The following CACNB2 variants were observed in gnomAD, a reference collection of about 807,000 sequenced individuals.
CACNB2 encodes the protein voltage-dependent L-type calcium channel subunit beta-2.
CACNB2 carries 42 observed loss-of-function variants against 73.3 expected under a neutral mutation model. The ratio of observed to expected loss-of-function variants is 0.57; its 90% CI spans 0.45 to 0.74. The LOEUF (loss-of-function observed/expected upper bound fraction) is 0.74. CACNB2 is among the 30% of genes least tolerant of loss of function. The probability of loss-of-function intolerance (pLI) is 0.00; values close to 1 mark genes in which losing one functional copy is unlikely to be tolerated. For synonymous variants in CACNB2, 348 were observed against 310.3 expected (o/e 1.12, Z -1.28); for missense variants, 940 against 853.0 (o/e 1.10, Z -1.27).
At chr10:18,234,672 C>A (rs1443996900) in intron 2 of CACNB2, among the ~76,000 whole-genome samples, 1 of 151,974 alleles carries the variant, frequency 6.6e-6, no homozygotes, top group East Asian at 1.9e-4. Context: ...AAGACAAATA[C>A]GTAGAAATAG....
At chr10:18,341,241 C>A (rs2041222828) in intron 2 of CACNB2, among the ~76,000 whole-genome samples, 1 of 152,090 alleles carries the variant, frequency 6.6e-6, no homozygotes, top group East Asian at 1.9e-4. Flanking sequence ...CCGGTGCAGA[C>A]AAATTTAGTG....
intron 2 of CACNB2, among the ~76,000 whole-genome samples, chr10:18,356,950 T>C (rs866163792): frequency 2.4e-5 from 3 of 124,658 alleles, no homozygotes; most frequent in Admixed American, 8.4e-5. Context: ...TTCTTTTTTT[T>C]TTTTTTTTTT....
chr10:18,499,328 G>T (rs775343920), intron 4 of CACNB2, among the ~76,000 whole-genome samples: 4 of 152,154 alleles, frequency 2.6e-5, no homozygotes, highest in Admixed American at 2.6e-4. Context: ...CCGATTAAAA[G>T]AACCTAGGGC....
intron 3 of CACNB2, among the ~76,000 whole-genome samples, chr10:18,435,756 T>A (rs1248183612): frequency 6.6e-6 from 1 of 152,074 alleles, no homozygotes; most frequent in African/African-American, 2.4e-5. Flanking sequence ...CGCCTTGGCC[T>A]CCCAAAGTGC....
At chr10:18,481,205 T>C (rs1490616494) in intron 3 of CACNB2, among the ~76,000 whole-genome samples, 1 of 11,832 alleles carries the variant, frequency 8.5e-5, no homozygotes, top group Non-Finnish European at 1.9e-4. Context: ...TATATATATA[T>C]ATATATATAT....
chr10:18,414,387 G>T lies in CACNB2; in HGVS notation c.333+12344G>T, dbSNP rs887569502. 2.0e-5 allele frequency among the ~76,000 whole-genome samples: 3 copies of T among 151,984 alleles called. 1 individual carries two copies. The highest frequency in any genetic ancestry group is 2.0e-4 in the Admixed American group (3 of 15,268). On this transcript the variant is annotated intron_variant, in intron 3 of 13. Coordinates refer to ENST00000324631, the MANE Select transcript of CACNB2 (RefSeq NM_201596.3). The stretch of plus-strand genomic sequence containing the variant: ...TTTATTTATGGTTATATTTATCTTG[G>T]CAATCGACCTGTTAAGCTAGTTTTA...
intron 2 of CACNB2, among the ~76,000 whole-genome samples, chr10:18,326,017 T>A (rs1341109050): frequency 6.6e-6 from 1 of 152,178 alleles, no homozygotes; most frequent in African/African-American, 2.4e-5. Flanking sequence ...ATTATAGGCA[T>A]GAGCCACTGT....
intron 1 of CACNB2, among the ~76,000 whole-genome samples, chr10:18,145,710 G>A (rs577485227): frequency 2.4e-4 from 36 of 152,128 alleles, no homozygotes; most frequent in African/African-American, 3.6e-4. Flanking sequence ...TATCCTACAC[G>A]TAGTCTAGGT....
At chr10:18,538,146 G>C in intron 12 of CACNB2, 34 bp from the exon 13 acceptor site, 1 of 1,611,062 alleles carries the variant, frequency 6.2e-7, no homozygotes, top group Non-Finnish European at 8.5e-7. Flanking sequence ...AACTGGGCTG[G>C]CATCAATGTG....
chr10:18,348,053 C>T (rs1455927315), intron 2 of CACNB2, among the ~76,000 whole-genome samples: 1 of 152,162 alleles, frequency 6.6e-6, no homozygotes, highest in Admixed American at 6.5e-5. Flanking sequence ...AGAAGAGCCT[C>T]ATGATATTGC....
intron 2 of CACNB2, among the ~76,000 whole-genome samples, chr10:18,238,706 T>G (rs2036539692): frequency 1.3e-5 from 2 of 152,320 alleles, no homozygotes; most frequent in South Asian, 2.1e-4. Flanking sequence ...GAATGACTTC[T>G]TATTTGCCAG....
In CACNB2 at chr10:18,541,590, G is replaced by C. The variant is rs978738265; in HGVS notation, c.*1866G>C. ...TAACAAAATAAATCAGCCGGGCGCA[G>C]TGGCTCATGCCTGTAATCCCAGCAA... On this transcript the variant is annotated 3_prime_UTR_variant, in exon 14 of 14. Coordinates refer to ENST00000324631, the MANE Select transcript of CACNB2 (RefSeq NM_201596.3). 2.0e-5 allele frequency: 3 copies of C among 152,216 alleles called. No homozygotes were observed. Among genetic ancestry groups the C allele is most frequent in the African/African-American group, 7.2e-5 (3 of 41,460 alleles). The allele number at this position is 152,216 out of a possible 1,614,324, so 9.4% of individuals were successfully genotyped here. A position where few individuals can be genotyped will look rare whatever the true frequency, so the allele number is the denominator to read the frequency against.
intron 2 of CACNB2, among the ~76,000 whole-genome samples, chr10:18,286,378 C>T (rs553878387): frequency 1.1e-4 from 16 of 151,876 alleles, no homozygotes; most frequent in African/African-American, 2.9e-4. Flanking sequence ...ATTAGCCAGG[C>T]GCGGTGGCGG....
At chr10:18,405,658 C>T (rs985565131) in intron 3 of CACNB2, among the ~76,000 whole-genome samples, 4 of 152,066 alleles carry the variant, frequency 2.6e-5, no homozygotes, top group Non-Finnish European at 5.9e-5. Context: ...GGAGTTGAAG[C>T]AGTGATAAGA....
intron 2 of CACNB2, among the ~76,000 whole-genome samples, chr10:18,197,089 C>A (rs559501117): frequency 1.6e-4 from 24 of 152,214 alleles, no homozygotes; most frequent in African/African-American, 5.8e-4. Flanking sequence ...TGCCTCTTAG[C>A]CCCCTGGGCA....
intron 2 of CACNB2, among the ~76,000 whole-genome samples, chr10:18,203,663 G>A (rs1564341000): frequency 2.0e-5 from 3 of 152,070 alleles, no homozygotes; most frequent in Admixed American, 6.6e-5. Context: ...TTATTTTAGC[G>A]GAGGCTGTAG....
intron 2 of CACNB2, among the ~76,000 whole-genome samples, chr10:18,270,689 C>T (rs2038014608): frequency 6.6e-6 from 1 of 152,108 alleles, no homozygotes; most frequent in Non-Finnish European, 1.5e-5. Context: ...TGCCTGTGCT[C>T]CTCCACAGAG....
chr10:18,384,901 C>T (rs960660007), intron 2 of CACNB2, among the ~76,000 whole-genome samples: 5 of 152,026 alleles, frequency 3.3e-5, no homozygotes, highest in African/African-American at 1.2e-4. Context: ...CACAAGCAAC[C>T]ACGGTGACCA....
At chr10:18,361,612 C>CT (rs56220879) in intron 2 of CACNB2, among the ~76,000 whole-genome samples, 5,080 of 125,374 alleles carry the variant, frequency 0.041, 137 homozygotes, top group African/African-American at 0.071. Flanking sequence ...AGGTAAAATT[C>CT]TTTTTTTTTT....
Sources: allele counts gnomAD v4.1 joint callset (sites outside exome capture counted in the v4.1 genomes callset), GRCh38; gene constraint gnomAD v4.1.1; transcripts MANE v1.5; gene names NCBI Gene and HGNC (gene_info 2026-07-23, HGNC 2026-07-21).